Variants in MTHFSD observed in about 807,000 individuals in gnomAD.
The protein encoded by MTHFSD is methenyltetrahydrofolate synthetase domain containing.
In MTHFSD, 37 loss-of-function variants were observed where a neutral mutation model predicts 31.1. The ratio of observed to expected loss-of-function variants is 1.19; its 90% CI spans 0.91 to 1.56. MTHFSD has a LOEUF of 1.56. MTHFSD is among the 40% of genes most tolerant of loss of function. The pLI, the probability that MTHFSD is intolerant of heterozygous loss-of-function variation, is 0.00. For synonymous variants in MTHFSD, 221 were observed against 206.9 expected (o/e 1.07, Z -0.59); for missense variants, 664 against 510.1 (o/e 1.30, Z -2.91).
At chr16:86,538,798 AG>A (rs1971073387) in intron 7 of MTHFSD, among the ~76,000 whole-genome samples, 2 of 152,122 alleles carry the variant, frequency 1.3e-5, no homozygotes, top group Admixed American at 1.3e-4. Context: ...TGGTGTAGCT[AG>A]GGGTTCAGGG....
chr16:86,535,925 A>C (rs558743900), intron 7 of MTHFSD, among the ~76,000 whole-genome samples: 1 of 152,186 alleles, frequency 6.6e-6, no homozygotes, highest in South Asian at 2.1e-4. Flanking sequence ...CTCATAGCTC[A>C]CTGCAGCCTT....
chr16:86,541,698 T>C lies in MTHFSD; in HGVS notation c.680A>G (p.Lys227Arg). ...GAGCTGGCCACTGCCGTGACCCACC[T>C]TGAACCAGGTGATTCCCATTGGCTT... ...RPKPMGITWF[K>R]ISLEMMEKIP... The change falls in exon 7 of 8, where the codon AAG becomes AGG. Residue 227 changes from lysine to arginine, a missense_variant and splice_region_variant. Physicochemically the swap from Lys to Arg is conservative, Grantham distance 26. Coordinates refer to ENST00000360900, the MANE Select transcript of MTHFSD (RefSeq NM_001159377.2). 1 of 1,612,982 alleles carries C rather than the reference T, an allele frequency of 6.2e-7. No homozygotes were observed. Among genetic ancestry groups the C allele is most frequent in the Non-Finnish European group, 8.5e-7 (1 of 1,179,586 alleles).
intron 2 of MTHFSD, chr16:86,553,714 C>G (rs978299296): frequency 1.8e-4 from 27 of 152,840 alleles, no homozygotes; most frequent in African/African-American, 6.5e-4. Flanking sequence ...TGGTGCCATC[C>G]ACTGCCCAAC....
chr16:86,554,168 G>A (rs925869648), intron 2 of MTHFSD, among the ~76,000 whole-genome samples: 3 of 152,106 alleles, frequency 2.0e-5, no homozygotes, highest in Non-Finnish European at 4.4e-5. Context: ...AAATCTTGCT[G>A]CTGCTCATTC....
chr16:86,537,827 C>T (rs1202017733), intron 7 of MTHFSD, among the ~76,000 whole-genome samples: 1 of 152,156 alleles, frequency 6.6e-6, no homozygotes. Flanking sequence ...AGAATTGTTT[C>T]CTTGAGTATA....
intron 2 of MTHFSD, among the ~76,000 whole-genome samples, chr16:86,552,543 C>T (rs1240309300): frequency 4.6e-5 from 7 of 152,164 alleles, no homozygotes; most frequent in Admixed American, 4.6e-4. Flanking sequence ...TGATTTTTCA[C>T]AAAATGAAGG....
Position 86,552,128 on chromosome 16 carries a change from G to T in MTHFSD, c.142C>A (p.Gln48Lys). Residue 48 changes from glutamine to lysine, a missense_variant, in exon 3 of 8, where the codon CAA (glutamine) becomes AAA (lysine). Transcript: ENST00000360900. Reference protein sequence around the residue: ...PNFKGSYLACQNIKDLDVFAR... With the variant: ...PNFKGSYLACKNIKDLDVFAR... ...AAAACGTCTAGGTCTTTGATGTTTT[G>T]GCAAGCCAGATAAGACCCCTAGTTA... The T allele has an allele frequency of 6.2e-7, 1 of 1,614,158 alleles. No homozygotes were observed.
At chr16:86,538,589 GCA>G (rs1313084334) in intron 7 of MTHFSD, among the ~76,000 whole-genome samples, 2 of 152,216 alleles carry the variant, frequency 1.3e-5, no homozygotes, top group Non-Finnish European at 2.9e-5. Context: ...GTTTGCTACG[GCA>G]CAGAGCTGAG....
intron 5 of MTHFSD, among the ~76,000 whole-genome samples, chr16:86,545,160 C>T (rs148344369): frequency 1.0e-3 from 159 of 152,146 alleles, no homozygotes; most frequent in Middle Eastern, 6.8e-3. Flanking sequence ...CCATGGAACA[C>T]GTTTACCTAT....
At chr16:86,553,046 A>T (rs1973408783) in intron 2 of MTHFSD, among the ~76,000 whole-genome samples, 1 of 152,000 alleles carries the variant, frequency 6.6e-6, no homozygotes, top group Non-Finnish European at 1.5e-5. Flanking sequence ...TTACATTTTG[A>T]TCAGCTGGGA....
At chr16:86,537,243 T>C (rs1970827937) in intron 7 of MTHFSD, among the ~76,000 whole-genome samples, 1 of 152,258 alleles carries the variant, frequency 6.6e-6, no homozygotes, top group African/African-American at 2.4e-5. Flanking sequence ...AATATTCTGC[T>C]GTATTTCCTC....
Position 86,555,159 on chromosome 16 carries a change from G to C in MTHFSD, c.16+10C>G, listed in dbSNP as rs750005274. On this transcript the variant is annotated intron_variant, in intron 1 of 7. Coordinates refer to ENST00000360900, the MANE Select transcript of MTHFSD (RefSeq NM_001159377.2). Reference sequence around the variant, plus strand: ...TCCCAGCCGCCCCGGAGCCCCGCCAGGCCCCCCACCTGCCCTCGGCTCCAT... The same window carrying C: ...TCCCAGCCGCCCCGGAGCCCCGCCACGCCCCCCACCTGCCCTCGGCTCCAT... 1 of 1,535,870 alleles carries C rather than the reference G, an allele frequency of 6.5e-7. No homozygotes were observed. Among genetic ancestry groups the C allele is most frequent in the South Asian group, 1.2e-5 (1 of 84,020 alleles).
chr16:86,534,291 G>A (rs1315856566), intron 7 of MTHFSD, among the ~76,000 whole-genome samples: 1 of 152,196 alleles, frequency 6.6e-6, no homozygotes, highest in Non-Finnish European at 1.5e-5. Context: ...CCAGCTCTGA[G>A]GCCCAAGGAA....
At chr16:86,547,616 T>A (rs1349457260) in intron 4 of MTHFSD, 10 of 927,990 alleles carry the variant, frequency 1.1e-5, no homozygotes, top group Non-Finnish European at 1.3e-5. Context: ...ACCATCACCA[T>A]GCTTTCGTCT....
rs373993119 is a variant in MTHFSD at position 86,543,655 on chromosome 16, G to A, written c.443-1442C>T. Among the ~76,000 whole-genome samples the A allele has an allele frequency of 1.1e-4, 17 of 152,278 alleles. No individual in the cohort carries two copies. The East Asian group carries it at 1.2e-3, about 10-fold the overall frequency. The stretch of plus-strand genomic sequence containing the variant: ...TCCAGCAAGGCACGGAGCTCTGTGT[G>A]TGCCACCGTCCCTTCTGTGAATGCA... On this transcript the variant is annotated intron_variant, in intron 5 of 7. Transcript: ENST00000360900.
At chr16:86,554,257 C>G (rs148055544) in intron 2 of MTHFSD, among the ~76,000 whole-genome samples, 71 of 152,316 alleles carry the variant, frequency 4.7e-4, no homozygotes, top group South Asian at 4.1e-4. Flanking sequence ...CAGCAAAGAC[C>G]GTGAACCCAC....
rs1420160075 is a variant in MTHFSD, at chr16:86,542,253, G to C, written c.443-40C>G. On this transcript the variant is annotated intron_variant, in intron 5 of 7. Transcript: ENST00000360900. This position sits in a 1 kb window ranked among gnomAD's most constrained non-coding sequence, Gnocchi z 4.6. ...AGAATCAGTATCGCTGTGCGGTCCGGGGCATCGCTGAGAAGTGGATTTTCC... is the reference window on the plus strand; with the variant it reads ...AGAATCAGTATCGCTGTGCGGTCCGCGGCATCGCTGAGAAGTGGATTTTCC... 5 of 1,535,908 alleles carry C rather than the reference G, an allele frequency of 3.3e-6. No homozygotes were observed. The highest frequency in any genetic ancestry group is 2.3e-5 in the East Asian group (1 of 44,066).
intron 7 of MTHFSD, among the ~76,000 whole-genome samples, chr16:86,540,203 G>T (rs977820535): frequency 6.6e-6 from 1 of 152,168 alleles, no homozygotes; most frequent in East Asian, 1.9e-4. Flanking sequence ...GTGAAACTGA[G>T]AACACAGGAC....
chr16:86,534,842 T>A (rs1300313663), intron 7 of MTHFSD, among the ~76,000 whole-genome samples: 1 of 151,798 alleles, frequency 6.6e-6, no homozygotes, highest in Non-Finnish European at 1.5e-5. Flanking sequence ...GGGGTAGGGG[T>A]TTGGGGGCAG....
Sources: gnomAD v4.1 joint callset for allele counts (sites outside exome capture counted in the v4.1 genomes callset) on GRCh38, gnomAD v4.1.1 for gene constraint, Gnocchi (gnomAD v3.1) non-coding constraint, MANE v1.5 for transcripts, NCBI Gene and HGNC (gene_info 2026-07-23, HGNC 2026-07-21) for gene names.